The following HS6ST3 variants were observed in gnomAD, a reference collection of about 807,000 sequenced individuals.
The protein encoded by HS6ST3 is heparan-sulfate 6-O-sulfotransferase 3.
Under a neutral mutation model 36.7 loss-of-function variants are expected in HS6ST3, and 12 were observed. That is an observed-to-expected ratio of 0.33 (90% CI 0.21 to 0.53). The LOEUF (loss-of-function observed/expected upper bound fraction) is 0.53, where lower values mean the gene tolerates loss of function less well. Ranked by LOEUF, HS6ST3 falls within the 20% of genes least tolerant of loss-of-function variation. HS6ST3 has a pLI of 0.95. For missense variants in HS6ST3, 584 were observed against 640.9 expected, an observed-to-expected ratio of 0.91 and a Z score of 0.96; for synonymous variants, 240 against 257.5, an observed-to-expected ratio of 0.93 and a Z score of 0.65.
intron 1 of HS6ST3, among the ~76,000 whole-genome samples, chr13:96,214,304 AGG>A (rs1411247472): frequency 6.6e-6 from 1 of 152,128 alleles, no homozygotes; most frequent in East Asian, 1.9e-4. Context: ...TGTTGTACAA[AGG>A]AATTGCAGCT....
intron 1 of HS6ST3, among the ~76,000 whole-genome samples, chr13:96,193,387 G>A (rs955569821): frequency 2.6e-5 from 4 of 152,130 alleles, no homozygotes; most frequent in African/African-American, 9.7e-5. Flanking sequence ...ATGTCATTAA[G>A]GTAGTGTAGA....
intron 1 of HS6ST3, among the ~76,000 whole-genome samples, chr13:96,330,281 T>C (rs1179928726): frequency 1.1e-4 from 17 of 151,994 alleles, no homozygotes; most frequent in Non-Finnish European, 2.1e-4. Context: ...CTAGTCTTGA[T>C]GGTCTTTACA....
chr13:96,620,637 T>C (rs2056491579), intron 1 of HS6ST3, among the ~76,000 whole-genome samples: 1 of 152,232 alleles, frequency 6.6e-6, no homozygotes, highest in Non-Finnish European at 1.5e-5. Flanking sequence ...ATTTTATTTT[T>C]ACTGTGGCAT....
At chr13:96,201,023 GAC>G (rs2054339319) in intron 1 of HS6ST3, among the ~76,000 whole-genome samples, 1 of 152,148 alleles carries the variant, frequency 6.6e-6, no homozygotes, top group Non-Finnish European at 1.5e-5. Flanking sequence ...TGAGATTAGA[GAC>G]ACAGTTGATA....
intron 1 of HS6ST3, among the ~76,000 whole-genome samples, chr13:96,271,717 C>G (rs1367800202): frequency 1.3e-5 from 2 of 152,004 alleles, no homozygotes; most frequent in Non-Finnish European, 1.5e-5. Context: ...ATCTCCCAAT[C>G]TCAGTGGGAA....
chr13:96,772,086 G>A (rs1431052172), intron 1 of HS6ST3, among the ~76,000 whole-genome samples: 1 of 152,166 alleles, frequency 6.6e-6, no homozygotes, highest in Non-Finnish European at 1.5e-5. Context: ...GATGGGGCCA[G>A]GGTTTTATAT....
intron 1 of HS6ST3, among the ~76,000 whole-genome samples, chr13:96,475,169 A>G (rs1279321074): frequency 6.6e-6 from 1 of 152,020 alleles, no homozygotes; most frequent in Non-Finnish European, 1.5e-5. Flanking sequence ...GAACATCTTT[A>G]GGTTGAGAAC....
chr13:96,203,764 G>A (rs1046140723), intron 1 of HS6ST3, among the ~76,000 whole-genome samples: 13 of 152,144 alleles, frequency 8.5e-5, no homozygotes, highest in African/African-American at 2.9e-4. Flanking sequence ...AGTGAAAGGG[G>A]GTTCAAAGTG....
chr13:96,231,160 C>T (rs776010375), intron 1 of HS6ST3, among the ~76,000 whole-genome samples: 51 of 152,164 alleles, frequency 3.4e-4, no homozygotes, highest in Non-Finnish European at 6.9e-4. Flanking sequence ...GAGAAGAAAG[C>T]AAGTGGGACC....
At chr13:96,452,804 T>G (rs1365183852) in intron 1 of HS6ST3, among the ~76,000 whole-genome samples, 2 of 152,190 alleles carry the variant, frequency 1.3e-5, no homozygotes, top group Non-Finnish European at 2.9e-5. Context: ...CATTCCTCTG[T>G]GTTTTTTATT....
intron 1 of HS6ST3, among the ~76,000 whole-genome samples, chr13:96,258,261 A>G (rs1362232128): frequency 6.6e-6 from 1 of 152,198 alleles, no homozygotes; most frequent in Non-Finnish European, 1.5e-5. Flanking sequence ...GACTGCTTCT[A>G]AATCCTGGAT....
chr13:96,468,393 T>C (rs980200757), intron 1 of HS6ST3, among the ~76,000 whole-genome samples: 1 of 151,940 alleles, frequency 6.6e-6, no homozygotes, highest in Non-Finnish European at 1.5e-5. Flanking sequence ...TGATAGAACA[T>C]TTATTTGGTT....
chr13:96,717,899 AT>A (rs1278078119), intron 1 of HS6ST3, among the ~76,000 whole-genome samples: 1 of 152,218 alleles, frequency 6.6e-6, no homozygotes, highest in African/African-American at 2.4e-5. Context: ...TATATCTAAA[AT>A]AAAATATACT....
intron 1 of HS6ST3, among the ~76,000 whole-genome samples, chr13:96,346,506 C>T (rs143288268): frequency 0.018 from 2,761 of 150,764 alleles, 46 homozygotes; most frequent in South Asian, 0.028. Context: ...ACCCGGGAGG[C>T]GGAGCTTGCA....
intron 1 of HS6ST3, among the ~76,000 whole-genome samples, chr13:96,245,802 G>A (rs540821420): frequency 6.6e-6 from 1 of 152,156 alleles, no homozygotes; most frequent in African/African-American, 2.4e-5. Context: ...GTTTTTAGAT[G>A]CAAAAGTCAA....
At chr13:96,107,163 T>G (rs541531536) in intron 1 of HS6ST3, among the ~76,000 whole-genome samples, 1 of 152,192 alleles carries the variant, frequency 6.6e-6, no homozygotes, top group Non-Finnish European at 1.5e-5. Flanking sequence ...AGTGGTAGGG[T>G]CAATATTATA....
At chr13:96,136,161 T>A (rs1166563749) in intron 1 of HS6ST3, among the ~76,000 whole-genome samples, 2 of 152,226 alleles carry the variant, frequency 1.3e-5, no homozygotes, top group African/African-American at 2.4e-5. Context: ...GTTAGAAGTT[T>A]CTGTGATTCT....
intron 1 of HS6ST3, among the ~76,000 whole-genome samples, chr13:96,718,665 G>A (rs1172485074): frequency 2.0e-5 from 3 of 152,108 alleles, no homozygotes; most frequent in Admixed American, 6.6e-5. Flanking sequence ...TAAAGTGAGA[G>A]GTCATGAATA....
chr13:96,550,376 A>G (rs1404294340), intron 1 of HS6ST3, among the ~76,000 whole-genome samples: 1 of 152,162 alleles, frequency 6.6e-6, no homozygotes, highest in East Asian at 1.9e-4. Flanking sequence ...GAGCTTCCTG[A>G]GGCCTCACCA....
Sources: gnomAD v4.1 joint callset for allele counts (sites outside exome capture counted in the v4.1 genomes callset) on GRCh38, gnomAD v4.1.1 for gene constraint, MANE v1.5 for transcripts, NCBI Gene and HGNC (gene_info 2026-07-23, HGNC 2026-07-21) for gene names.